VAMP7: variants seen among roughly 807,000 people sequenced by gnomAD.
VAMP7 encodes vesicle-associated membrane protein 7.
A neutral mutation model predicts 29.6 loss-of-function variants in VAMP7; 14 were observed. The ratio of observed to expected loss-of-function variants is 0.47; its 90% CI spans 0.31 to 0.74. The LOEUF (loss-of-function observed/expected upper bound fraction) is 0.74, where lower values mean the gene tolerates loss of function less well. Among genes scored for constraint, VAMP7 ranks in the 30% least tolerant of loss-of-function variants. VAMP7 has a pLI of 0.05. For missense variants in VAMP7, 223 were observed against 262.4 expected, an observed-to-expected ratio of 0.85 and a Z score of 1.04; for synonymous variants, 95 against 88.1, an observed-to-expected ratio of 1.08 and a Z score of -0.44.
intron 5 of VAMP7, among the ~76,000 whole-genome samples, chrX:155,914,797 C>T (rs748205036): frequency 6.6e-6 from 1 of 152,258 alleles, no homozygotes; most frequent in East Asian, 1.9e-4. Flanking sequence ...CATCAGTGTT[C>T]ATCAGGGATA....
At chrX:155,938,467 TACATA>T (rs904362418) in intron 6 of VAMP7, among the ~76,000 whole-genome samples, 1 of 114 alleles carries the variant, frequency 8.8e-3, no homozygotes, top group Non-Finnish European at 0.017. Context: ...AAGTATAATA[TACATA>T]AAGTGCATCA....
chrX:155,929,649 G>C (rs1206769374), intron 6 of VAMP7, among the ~76,000 whole-genome samples: 1 of 152,046 alleles, frequency 6.6e-6, no homozygotes, highest in African/African-American at 2.4e-5. Context: ...CATGTCACTG[G>C]GGAGGCTTAT....
At chrX:155,898,396 A>G in intron 4 of VAMP7, 147 bp downstream of exon 4, 6 of 1,091,298 alleles carry the variant, frequency 5.5e-6, no homozygotes, top group Non-Finnish European at 7.7e-6. Flanking sequence ...TGATTAAAAA[A>G]AAAATGTAAA....
chrX:155,928,037 C>T (rs2066496581), intron 6 of VAMP7, among the ~76,000 whole-genome samples: 1 of 151,742 alleles, frequency 6.6e-6, no homozygotes, highest in East Asian at 1.9e-4. Flanking sequence ...TCCTGCCTTG[C>T]CTCAGCCTCC....
At chrX:155,916,864 G>A (rs1484784118) in intron 5 of VAMP7, among the ~76,000 whole-genome samples, 1 of 152,074 alleles carries the variant, frequency 6.6e-6, no homozygotes. Context: ...GAGTATCTTT[G>A]TGGTGTTCTC....
At chrX:155,928,616 G>T (rs992572359) in intron 6 of VAMP7, among the ~76,000 whole-genome samples, 3 of 152,058 alleles carry the variant, frequency 2.0e-5, no homozygotes, top group Non-Finnish European at 4.4e-5. Context: ...GTCATTTAGG[G>T]CTCACATGGA....
At chrX:155,904,869 T>C (rs2066125476) in intron 5 of VAMP7, among the ~76,000 whole-genome samples, 1 of 147,430 alleles carries the variant, frequency 6.8e-6, no homozygotes, top group Non-Finnish European at 1.5e-5. Context: ...AACATTTGTG[T>C]ACAAGTTTTT....
intron 6 of VAMP7, among the ~76,000 whole-genome samples, chrX:155,929,184 T>A (rs749971933): frequency 6.6e-6 from 1 of 152,304 alleles, no homozygotes; most frequent in Non-Finnish European, 1.5e-5. Flanking sequence ...GTTTACACGT[T>A]TTTTATTTGG....
At chrX:155,936,392 G>A (rs777702870) in intron 6 of VAMP7, among the ~76,000 whole-genome samples, 6 of 152,290 alleles carry the variant, frequency 3.9e-5, no homozygotes, top group African/African-American at 1.4e-4. Context: ...TCAAGCCTCA[G>A]CAATGGCGGG....
At chrX:155,886,276 T>C (rs927801630) in intron 1 of VAMP7, among the ~76,000 whole-genome samples, 14 of 152,184 alleles carry the variant, frequency 9.2e-5, no homozygotes, top group African/African-American at 3.1e-4. Context: ...CAAGACGTTA[T>C]GGATTCTATT....
At chrX:155,912,562 C>T (rs1239170822) in intron 5 of VAMP7, among the ~76,000 whole-genome samples, 1 of 151,946 alleles carries the variant, frequency 6.6e-6, no homozygotes, top group African/African-American at 2.4e-5. Context: ...TCCCTGTGTC[C>T]ATGTGTTCTC....
intron 5 of VAMP7, among the ~76,000 whole-genome samples, chrX:155,908,160 G>A (rs915547270): frequency 3.9e-5 from 6 of 152,344 alleles, no homozygotes; most frequent in South Asian, 4.1e-4. Context: ...ACGGGGTGGC[G>A]GCTGGGCAGA....
intron 6 of VAMP7, among the ~76,000 whole-genome samples, chrX:155,934,547 T>G (rs2066617205): frequency 6.6e-6 from 1 of 152,192 alleles, no homozygotes; most frequent in African/African-American, 2.4e-5. Flanking sequence ...GTTTTCCATT[T>G]GCTTGGTAGA....
intron 2 of VAMP7, among the ~76,000 whole-genome samples, chrX:155,890,959 G>A (rs2065919508): frequency 6.6e-6 from 1 of 152,146 alleles, no homozygotes; most frequent in South Asian, 2.1e-4. Context: ...GGTTTGGGAT[G>A]TTGGGGTGGC....
intron 6 of VAMP7, among the ~76,000 whole-genome samples, chrX:155,936,783 G>A (rs1349508809): frequency 6.6e-6 from 1 of 152,164 alleles, no homozygotes; most frequent in Non-Finnish European, 1.5e-5. Flanking sequence ...TGCTCACGCT[G>A]GGGGCTGTAG....
At chrX:155,907,941 T>G (rs915620847) in intron 5 of VAMP7, among the ~76,000 whole-genome samples, 1 of 151,080 alleles carries the variant, frequency 6.6e-6, no homozygotes. Flanking sequence ...GCAGAGGCGC[T>G]CCCCACATCT....
intron 1 of VAMP7, among the ~76,000 whole-genome samples, chrX:155,882,039 G>T (rs28655110): frequency 6.6e-6 from 1 of 151,986 alleles, no homozygotes; most frequent in African/African-American, 2.4e-5. Context: ...TTACATCTCC[G>T]TCTCCCATAA....
intron 6 of VAMP7, among the ~76,000 whole-genome samples, chrX:155,923,090 G>T (rs751447318): frequency 6.6e-6 from 1 of 151,784 alleles, no homozygotes; most frequent in African/African-American, 2.4e-5. Flanking sequence ...TATACTTCTA[G>T]CTGTTTCTTC....
intron 5 of VAMP7, among the ~76,000 whole-genome samples, chrX:155,907,978 G>C (rs940201844): frequency 5.9e-5 from 9 of 151,990 alleles, no homozygotes; most frequent in Non-Finnish European, 8.8e-5. Flanking sequence ...GGGCAGAGAC[G>C]CTCCTCACTT....
Sources: gnomAD v4.1 joint callset for allele counts (sites outside exome capture counted in the v4.1 genomes callset) on GRCh38, gnomAD v4.1.1 for gene constraint, MANE v1.5 for transcripts, NCBI Gene and HGNC (gene_info 2026-07-23, HGNC 2026-07-21) for gene names.